NYAP2: variants seen among roughly 807,000 people sequenced by gnomAD.
NYAP2 encodes neuronal tyrosine-phosphorylated phosphoinositide-3-kinase adapter 2.
Under a neutral mutation model 50.4 loss-of-function variants are expected in NYAP2, and 23 were observed. The ratio of observed to expected loss-of-function variants is 0.46; its 90% CI spans 0.33 to 0.65. The LOEUF (loss-of-function observed/expected upper bound fraction) is 0.65. Among genes scored for constraint, NYAP2 ranks in the 30% least tolerant of loss-of-function variants. The pLI, the probability that NYAP2 is intolerant of heterozygous loss-of-function variation, is 0.02. For synonymous variants in NYAP2, 394 were observed against 365.2 expected, an observed-to-expected ratio of 1.08 and a Z score of -0.90; for missense variants, 885 against 861.0, an observed-to-expected ratio of 1.03 and a Z score of -0.35.
intron 5 of NYAP2, among the ~76,000 whole-genome samples, chr2:225,591,550 A>G (rs1398521554): frequency 6.6e-6 from 1 of 152,098 alleles, no homozygotes; most frequent in Non-Finnish European, 1.5e-5. Context: ...CCTTCATGCC[A>G]TTTACTCTGT....
chr2:225,478,198 A>G (rs1287575555), intron 3 of NYAP2, among the ~76,000 whole-genome samples: 1 of 152,162 alleles, frequency 6.6e-6, no homozygotes, highest in Non-Finnish European at 1.5e-5. Flanking sequence ...GTAAGTGGTA[A>G]GCACCTATGT....
At chr2:225,656,735 C>A (rs1346102623), downstream of NYAP2, among the ~76,000 whole-genome samples, 2 of 152,068 alleles carry the variant, frequency 1.3e-5, no homozygotes, top group Non-Finnish European at 2.9e-5. Flanking sequence ...CATGTGAAGA[C>A]CAGGGTGAAG....
At chr2:225,513,250 C>A in intron 3 of NYAP2, 121 bp from the exon 4 acceptor site, 1 of 853,294 alleles carries the variant, frequency 1.2e-6, no homozygotes, top group African/African-American at 1.7e-5. Context: ...TAAAAGGCAG[C>A]ATTTCACCGG....
chr2:225,650,872 A>C (rs1264026921), intron 6 of NYAP2, among the ~76,000 whole-genome samples: 1 of 152,230 alleles, frequency 6.6e-6, no homozygotes, highest in Non-Finnish European at 1.5e-5. Context: ...ATTAGAGAAG[A>C]GGTAGGAGAA....
intron 4 of NYAP2, among the ~76,000 whole-genome samples, chr2:225,577,516 T>C (rs1398385454): frequency 6.6e-6 from 1 of 152,150 alleles, no homozygotes; most frequent in Non-Finnish European, 1.5e-5. Context: ...TATGGGACAA[T>C]GTTATCTGAA....
chr2:225,587,932 A>G (rs1559223098), intron 5 of NYAP2, among the ~76,000 whole-genome samples: 1 of 151,764 alleles, frequency 6.6e-6, no homozygotes, highest in Non-Finnish European at 1.5e-5. Flanking sequence ...AGTAGTAAAT[A>G]CTTTTTTTTT....
chr2:225,703,042 T>G, the NYAP2 span: 1 of 151,706 alleles, frequency 6.6e-6, no homozygotes, highest in Non-Finnish European at 1.5e-5. Flanking sequence ...GTGTAGCAAC[T>G]TGTGTAAAGT....
At chr2:225,437,930 T>A (rs954917923) in intron 3 of NYAP2, among the ~76,000 whole-genome samples, 1 of 152,220 alleles carries the variant, frequency 6.6e-6, no homozygotes, top group Non-Finnish European at 1.5e-5. Context: ...GACCAGATCA[T>A]GATAAAGCTT....
chr2:225,702,547 C>T, the NYAP2 span: 7 of 151,524 alleles, frequency 4.6e-5, no homozygotes, highest in Non-Finnish European at 1.0e-4. Context: ...AAATTCTAAA[C>T]ATACTAAACT....
chr2:225,408,677 T>C (rs1034072455), intron 2 of NYAP2, among the ~76,000 whole-genome samples, 187 bp from the exon 3 acceptor site: 11 of 152,090 alleles, frequency 7.2e-5, no homozygotes, highest in Non-Finnish European at 1.3e-4. Context: ...TGAGAGAAGG[T>C]TTGCTATTCA....
At chr2:225,445,384 T>C (rs1285462775) in intron 3 of NYAP2, among the ~76,000 whole-genome samples, 1 of 151,788 alleles carries the variant, frequency 6.6e-6, no homozygotes, top group Non-Finnish European at 1.5e-5. Flanking sequence ...AAAGTATCAA[T>C]TGAACATAAA....
At chr2:225,602,742 C>A (rs1225871233) in intron 5 of NYAP2, among the ~76,000 whole-genome samples, 1 of 152,098 alleles carries the variant, frequency 6.6e-6, no homozygotes, top group African/African-American at 2.4e-5. Flanking sequence ...ATGATCTTGG[C>A]AGTTGGTGAG....
intron 3 of NYAP2, among the ~76,000 whole-genome samples, chr2:225,437,064 C>T (rs1689390906): frequency 6.7e-6 from 1 of 150,080 alleles, no homozygotes; most frequent in Non-Finnish European, 1.5e-5. Context: ...GTGGAAAATA[C>T]AGTTCATCAA....
chr2:225,418,200 A>G (rs1695155106), intron 3 of NYAP2, among the ~76,000 whole-genome samples: 1 of 152,174 alleles, frequency 6.6e-6, no homozygotes, highest in Non-Finnish European at 1.5e-5. Flanking sequence ...AAAAGGTCGT[A>G]ATGGGGAGCA....
At chr2:225,489,513 A>G (rs1423803373) in intron 3 of NYAP2, among the ~76,000 whole-genome samples, 1 of 152,090 alleles carries the variant, frequency 6.6e-6, no homozygotes, top group African/African-American at 2.4e-5. Context: ...TTTTTCTAAG[A>G]TTCACCTGTA....
the NYAP2 span, chr2:225,698,721 T>G: frequency 8.6e-5 from 13 of 151,956 alleles, no homozygotes; most frequent in Non-Finnish European, 1.9e-4. Context: ...GAAGGCACAC[T>G]TATTTATCCC....
intron 3 of NYAP2, among the ~76,000 whole-genome samples, chr2:225,453,452 G>T (rs1225883366): frequency 1.3e-5 from 2 of 152,052 alleles, no homozygotes; most frequent in Non-Finnish European, 2.9e-5. Context: ...ATTAACTCTT[G>T]CTTGTGACAA....
At chr2:225,636,873 C>T (rs556815587) in intron 6 of NYAP2, among the ~76,000 whole-genome samples, 2 of 152,094 alleles carry the variant, frequency 1.3e-5, no homozygotes, top group African/African-American at 2.4e-5. Context: ...AATAGCAGAA[C>T]CATCTACTTG....
intron 5 of NYAP2, among the ~76,000 whole-genome samples, chr2:225,589,024 G>A (rs1370289182): frequency 6.6e-6 from 1 of 152,090 alleles, no homozygotes; most frequent in African/African-American, 2.4e-5. Context: ...TTTTATTGAT[G>A]CATCTAGCTT....
Sources: allele counts gnomAD v4.1 joint callset (sites outside exome capture counted in the v4.1 genomes callset), GRCh38; gene constraint gnomAD v4.1.1; transcripts MANE v1.5; gene names NCBI Gene and HGNC (gene_info 2026-07-23, HGNC 2026-07-21).